C14orf180: variants seen among roughly 807,000 people sequenced by gnomAD.
The protein encoded by C14orf180 is nutritionally-regulated adipose and cardiac enriched protein homolog.
Under a neutral mutation model 13.9 loss-of-function variants are expected in C14orf180, and 13 were observed. That is an observed-to-expected ratio of 0.94 (90% CI 0.61 to 1.49). The LOEUF is 1.49. C14orf180 is among the 40% of genes most tolerant of loss of function. The pLI is 0.00. For synonymous variants in C14orf180, 113 were observed against 106.3 expected, an observed-to-expected ratio of 1.06 and a Z score of -0.39; for missense variants, 238 against 232.0, an observed-to-expected ratio of 1.03 and a Z score of -0.17.
chr14:104,585,449 C>A (rs1179624866), intron 1 of C14orf180, among the ~76,000 whole-genome samples: 16 of 152,216 alleles, frequency 1.1e-4, no homozygotes, highest in Admixed American at 8.5e-4. Context: ...AGTCAAGAAC[C>A]CTGCCAAGGC....
intron 4 of C14orf180, 131 bp from the exon 5 acceptor site, chr14:104,588,447 A>G: frequency 6.8e-7 from 1 of 1,476,940 alleles, no homozygotes; most frequent in Non-Finnish European, 9.3e-7. Flanking sequence ...TTGCAAGGAG[A>G]CCCCAAGAGG....
chr14:104,587,988 G>C, intron 3 of C14orf180, 110 bp downstream of exon 3: 1 of 1,372,576 alleles, frequency 7.3e-7, no homozygotes, highest in African/African-American at 1.5e-5. Context: ...ACATGGGGGG[G>C]CCGTGGCCAC....
rs756286528 is a variant in C14orf180, at chr14:104,588,682, G to A, written c.382G>A (p.Val128Met). 166 of 1,535,056 alleles carry A rather than the reference G, an allele frequency of 1.1e-4. No homozygotes were observed. Among genetic ancestry groups the A allele is most frequent in the South Asian group, 4.8e-5 (4 of 83,956 alleles). ...CCTATACTGCGGCCGGGCCAAGCCCGTGGCAACGGCACTGGAGGACCTGCG... is the reference window on the plus strand; with the variant it reads ...CCTATACTGCGGCCGGGCCAAGCCCATGGCAACGGCACTGGAGGACCTGCG... Reference protein sequence around the residue: ...LGLYCGRAKPVATALEDLRAR... With the variant: ...LGLYCGRAKPMATALEDLRAR... Residue 128 changes from valine to methionine, a missense_variant, in exon 5 of 5, where the codon GTG becomes ATG. Transcript: ENST00000557649.
At chr14:104,587,480 A>G (rs1453264466) in intron 2 of C14orf180, among the ~76,000 whole-genome samples, 1 of 152,050 alleles carries the variant, frequency 6.6e-6, no homozygotes, top group African/African-American at 2.4e-5. Context: ...GGGCAGACGA[A>G]GAGAGGTTCA....
intron 1 of C14orf180, among the ~76,000 whole-genome samples, chr14:104,582,794 G>GGA (rs1886482901): frequency 1.3e-5 from 2 of 152,170 alleles, no homozygotes; most frequent in African/African-American, 4.8e-5. Flanking sequence ...GGGCCTAGCG[G>GGA]GACACTTACA....
chr14:104,588,569 T>C lies in C14orf180; in HGVS notation c.278-9T>C. On this transcript the variant is annotated splice_polypyrimidine_tract_variant and intron_variant, in intron 4 of 4. Transcript: ENST00000557649. ...GCTGGCGCTGACCCTGCCTGCCCTC[T>C]GGCCGCAGTGCCCGGCCGGCCCAGG... The C allele has an allele frequency of 1.4e-6, 2 of 1,442,536 alleles. No homozygotes were observed. The highest frequency in any genetic ancestry group is 1.8e-6 in the Non-Finnish European group (2 of 1,102,852). 89.4% of individuals were successfully genotyped at this position (1,442,536 alleles called of 1,614,324 possible).
intron 1 of C14orf180, among the ~76,000 whole-genome samples, chr14:104,583,244 G>A (rs573640312): frequency 1.5e-4 from 23 of 152,274 alleles, no homozygotes; most frequent in African/African-American, 4.8e-4. Flanking sequence ...GGCTGCCTGG[G>A]AGCAGAGCGT....
rs548609963 is a variant in C14orf180 at position 104,582,213 on chromosome 14, G to A, written c.-17+2210G>A. On this transcript the variant is annotated intron_variant, in intron 1 of 4. Coordinates refer to ENST00000557649, the MANE Select transcript of C14orf180 (RefSeq NM_001008404.3). ...AGGAGGCGGGAAGCCAGCGGGCGGCGTCCTGGAGGACGGGGCAGGAGTGGG... is the reference window on the plus strand; with the variant it reads ...AGGAGGCGGGAAGCCAGCGGGCGGCATCCTGGAGGACGGGGCAGGAGTGGG... Among the ~76,000 whole-genome samples the A allele has an allele frequency of 4.1e-3, 623 of 152,296 alleles. 7 individuals carry two copies. Among genetic ancestry groups the A allele is most frequent in the African/African-American group, 0.014 (589 of 41,558 alleles).
At chr14:104,588,371 C>G in intron 4 of C14orf180, 62 bp downstream of exon 4, 3 of 1,603,824 alleles carry the variant, frequency 1.9e-6, no homozygotes, top group South Asian at 1.1e-5. Context: ...CCCACCCTCA[C>G]TCCCTCCCCG....
At position 104,586,560 on chromosome 14, in the gene C14orf180, A is replaced by G. The variant is rs1319315879; in HGVS notation, c.111+19A>G. ...AGAGAGGGTAAGGCGGGCCGCTGGG[A>G]CACAGCTTCTGCAAGCTGGCCTTCC... is the stretch of plus-strand genomic sequence containing the variant. On this transcript the variant is annotated intron_variant, in intron 2 of 4. Transcript: ENST00000557649. 6.8e-7 allele frequency: 1 copy of G among 1,466,094 alleles called. No individual in the cohort carries two copies. Among genetic ancestry groups the G allele is most frequent in the Admixed American group, 2.3e-5 (1 of 42,798 alleles). The allele number at this position is 1,466,094 out of a possible 1,614,324, so 90.8% of individuals were successfully genotyped here. A position where few individuals can be genotyped will look rare whatever the true frequency, so the allele number is the denominator to read the frequency against.
Position 104,588,695 on chromosome 14 carries a change from T to C in C14orf180, c.395T>C (p.Leu132Pro). The change falls in exon 5 of 5, where the codon CTG becomes CCG. Residue 132 changes from leucine (L) to proline (P), a missense_variant. Leu to Pro is a moderately conservative substitution (Grantham distance 98, BLOSUM62 -3). Transcript: ENST00000557649. ...CGGGCCAAGCCCGTGGCAACGGCAC[T>C]GGAGGACCTGCGGGCCCGGCTCCTC... ...CGRAKPVATA[L>P]EDLRARLLGL... 6.5e-7 allele frequency: 1 copy of C among 1,535,620 alleles called. No homozygotes were observed.
chr14:104,586,805 G>A (rs890763817), intron 2 of C14orf180, among the ~76,000 whole-genome samples: 34 of 152,278 alleles, frequency 2.2e-4, no homozygotes, highest in Admixed American at 2.0e-3. Flanking sequence ...GAGGGCTGTG[G>A]AAGAGGCAGC....
In C14orf180 at chr14:104,588,298, C is replaced by CCA; in HGVS notation, c.268_269dup (p.Val91LeufsTer116). 1 of 1,614,066 alleles carries CCA rather than the reference C, an allele frequency of 6.2e-7. No homozygotes were observed. Among genetic ancestry groups the CCA allele is most frequent in the Non-Finnish European group, 8.5e-7 (1 of 1,180,004 alleles). On this transcript the variant is annotated frameshift_variant, in exon 4 of 5. Coordinates refer to ENST00000557649, the MANE Select transcript of C14orf180 (RefSeq NM_001008404.3). LOFTEE classifies it low-confidence loss of function (END_TRUNC). Reference sequence around the variant, plus strand: ...GACATTGCTGACAAGAACGCCACAGCCACTGTCAGGGGTGAGTTCTGAGCC... The same window carrying CCA: ...GACATTGCTGACAAGAACGCCACAGCCACACTGTCAGGGGTGAGTTCTGAGCC...
In C14orf180 at chr14:104,588,933, C is replaced by A. The variant is rs969220999; in HGVS notation, c.*150C>A. The A allele has an allele frequency of 2.8e-6, 4 of 1,428,642 alleles. No individual in the cohort carries two copies. The African/African-American group carries it at 4.5e-5, about 16-fold the overall frequency. The allele number at this position is 1,428,642 out of a possible 1,614,324, so 88.5% of individuals were successfully genotyped here. On this transcript the variant is annotated 3_prime_UTR_variant, in exon 5 of 5. Coordinates refer to ENST00000557649, the MANE Select transcript of C14orf180 (RefSeq NM_001008404.3). The stretch of plus-strand genomic sequence containing the variant: ...GAGGGCTAACTAGGAAAAGGGGGAC[C>A]CCGTGGCGTGAGATCGGACATGGGG...
chr14:104,580,469 G>A (rs1196674507), intron 1 of C14orf180, among the ~76,000 whole-genome samples: 1 of 152,214 alleles, frequency 6.6e-6, no homozygotes, highest in Non-Finnish European at 1.5e-5. Context: ...TGGGCAGTGG[G>A]AGAAGGGGCT....
In C14orf180 at chr14:104,585,558, C is replaced by T. The variant is rs185229690; in HGVS notation, c.-16-857C>T. On this transcript the variant is annotated intron_variant, in intron 1 of 4. Transcript: ENST00000557649. ...AGACACGGGGGTGGAGGCGAGGAGG[C>T]GCCATTCACAGCCAGGAAGCAACCA... Among the ~76,000 whole-genome samples, 531 of 152,176 alleles carry T rather than the reference C, an allele frequency of 3.5e-3. 6 individuals are homozygous for T. Among genetic ancestry groups the T allele is most frequent in the African/African-American group, 0.012 (488 of 41,530 alleles).
chr14:104,588,963 C>G lies in C14orf180; in HGVS notation c.*180C>G, dbSNP rs1408415336. ...GGCGTGAGATCGGACATGGGGGGCA[C>G]AGCAGGCGGCCCCGCCACACTAGTC... On this transcript the variant is annotated 3_prime_UTR_variant, in exon 5 of 5. Coordinates refer to ENST00000557649, the MANE Select transcript of C14orf180 (RefSeq NM_001008404.3). 1 of 1,341,922 alleles carries G rather than the reference C, an allele frequency of 7.5e-7. No homozygotes were observed. Among genetic ancestry groups the G allele is most frequent in the Non-Finnish European group, 9.8e-7 (1 of 1,015,524 alleles). 83.1% of individuals were successfully genotyped at this position (1,341,922 alleles called of 1,614,324 possible).
intron 2 of C14orf180, among the ~76,000 whole-genome samples, chr14:104,587,051 T>C (rs990004289): frequency 2.0e-5 from 3 of 152,154 alleles, no homozygotes; most frequent in African/African-American, 2.4e-5. Flanking sequence ...AGCAGCAGGC[T>C]GTGTACAGCG....
chr14:104,581,848 G>GGCCC (rs973216495), intron 1 of C14orf180, among the ~76,000 whole-genome samples: 3 of 152,156 alleles, frequency 2.0e-5, no homozygotes, highest in African/African-American at 7.2e-5. Context: ...CACTCGCTCA[G>GGCCC]GCCCCGGGAC....
Sources: gnomAD v4.1 joint callset for allele counts (sites outside exome capture counted in the v4.1 genomes callset) on GRCh38, gnomAD v4.1.1 for gene constraint, MANE v1.5 for transcripts, NCBI Gene and HGNC (gene_info 2026-07-23, HGNC 2026-07-21) for gene names.